Variants in CMIP observed in about 807,000 individuals in gnomAD.
The protein encoded by CMIP is c-Maf inducing protein, also known as C-Maf-inducing protein.
In CMIP, 13 loss-of-function variants were observed where a neutral mutation model predicts 97.3. That is an observed-to-expected ratio of 0.13 (90% CI 0.09 to 0.21). The LOEUF is 0.21. Among genes scored for constraint, CMIP ranks in the 10% least tolerant of loss-of-function variants. CMIP has a pLI of 1.00. For missense variants in CMIP, 847 were observed against 1,024.9 expected, an observed-to-expected ratio of 0.83 and a Z score of 2.37; for synonymous variants, 538 against 436.3, an observed-to-expected ratio of 1.23 and a Z score of -2.91.
At position 81,479,507 on chromosome 16, in the gene CMIP, C is replaced by T. The variant is rs1260326926; in HGVS notation, c.300+33966C>T. 3.3e-5 allele frequency among the ~76,000 whole-genome samples: 5 copies of T among 152,086 alleles called. No homozygotes were observed. The East Asian group carries it at 7.7e-4, about 23-fold the overall frequency. ...CCCCATTAAATGTTAACTCCTAGTC[C>T]CCCTCCCCCAGCCCCTGGCAGCCAC... On this transcript the variant is annotated intron_variant, in intron 1 of 20. Transcript: ENST00000537098.
At chr16:81,707,398 G>A (rs1440712998) in intron 20 of CMIP, among the ~76,000 whole-genome samples, 1 of 152,230 alleles carries the variant, frequency 6.6e-6, no homozygotes, top group East Asian at 1.9e-4. Flanking sequence ...CCAAGGTCCT[G>A]AGACAGAAGA....
At chr16:81,597,262 C>G (rs773445322) in intron 1 of CMIP, among the ~76,000 whole-genome samples, 2 of 152,236 alleles carry the variant, frequency 1.3e-5, no homozygotes, top group Admixed American at 6.5e-5. Context: ...TCTGTTTGCA[C>G]TGTGTCTGTG....
At chr16:81,695,036 A>T (rs1408793885) in intron 13 of CMIP, among the ~76,000 whole-genome samples, 1 of 152,186 alleles carries the variant, frequency 6.6e-6, no homozygotes, top group East Asian at 1.9e-4. Flanking sequence ...CTGGGAGAAC[A>T]AAAGTGGCAT....
intron 1 of CMIP, among the ~76,000 whole-genome samples, chr16:81,597,798 C>T (rs1303174153): frequency 6.6e-6 from 1 of 152,136 alleles, no homozygotes; most frequent in African/African-American, 2.4e-5. Flanking sequence ...AAAAGTGCCA[C>T]ACTCAAGGAC....
chr16:81,541,443 C>G (rs907727973), intron 1 of CMIP, among the ~76,000 whole-genome samples: 2 of 152,322 alleles, frequency 1.3e-5, no homozygotes, highest in Non-Finnish European at 1.5e-5. Context: ...GCCAGTCTAA[C>G]CACTCCAGCC....
At chr16:81,488,873 T>G (rs1244278902) in intron 1 of CMIP, among the ~76,000 whole-genome samples, 1 of 152,196 alleles carries the variant, frequency 6.6e-6, no homozygotes, top group Admixed American at 6.5e-5. Context: ...TGTGAGCCAC[T>G]GTCATTGATG....
chr16:81,568,505 C>T (rs766131245), intron 1 of CMIP, among the ~76,000 whole-genome samples: 1 of 152,200 alleles, frequency 6.6e-6, no homozygotes, highest in African/African-American at 2.4e-5. Context: ...CACTCTCTCT[C>T]TGTGCCAGGC....
intron 1 of CMIP, among the ~76,000 whole-genome samples, chr16:81,581,068 T>G (rs1025972411): frequency 6.6e-6 from 1 of 152,228 alleles, no homozygotes; most frequent in Admixed American, 6.5e-5. Flanking sequence ...AGCGTCATGT[T>G]GTCAGGGTTC....
intron 1 of CMIP, among the ~76,000 whole-genome samples, chr16:81,473,487 C>CTT (rs35365325): frequency 0.016 from 2,248 of 140,258 alleles, 56 homozygotes; most frequent in African/African-American, 0.054. Context: ...TAAAATAGGT[C>CTT]TTTTTTTTTT....
intron 1 of CMIP, among the ~76,000 whole-genome samples, chr16:81,559,314 T>C (rs956820608): frequency 6.6e-6 from 1 of 152,180 alleles, no homozygotes; most frequent in Non-Finnish European, 1.5e-5. Context: ...CCAGCATCAG[T>C]GGTCACTTAT....
intron 1 of CMIP, among the ~76,000 whole-genome samples, chr16:81,541,060 A>G (rs1370046862): frequency 1.3e-5 from 2 of 150,018 alleles, no homozygotes; most frequent in East Asian, 3.9e-4. Flanking sequence ...TTAAGTCTTG[A>G]TGACTAAATA....
intron 1 of CMIP, among the ~76,000 whole-genome samples, chr16:81,466,186 G>A (rs900667765): frequency 6.6e-6 from 1 of 152,066 alleles, no homozygotes; most frequent in African/African-American, 2.4e-5. Flanking sequence ...TCAGCCTCTC[G>A]AGTAGCTGGG....
intron 1 of CMIP, 105 bp downstream of exon 1, chr16:81,445,646 C>T (rs1453304587): frequency 8.6e-6 from 11 of 1,275,450 alleles, no homozygotes; most frequent in Non-Finnish European, 1.2e-5. Context: ...GCCTGGGGGG[C>T]GGTGGGGGGT....
chr16:81,465,641 G>A (rs949106874), intron 1 of CMIP, among the ~76,000 whole-genome samples: 26 of 152,250 alleles, frequency 1.7e-4, no homozygotes, highest in African/African-American at 5.3e-4. Context: ...ATTCCCCAGC[G>A]AGCTGACCTT....
chr16:81,581,083 G>A (rs948255296), intron 1 of CMIP, among the ~76,000 whole-genome samples: 4 of 152,102 alleles, frequency 2.6e-5, no homozygotes, highest in Non-Finnish European at 4.4e-5. Flanking sequence ...GGGTTCTTCC[G>A]TGTTGCAGCA....
rs573615130 is a variant in CMIP, at chr16:81,477,164, C to T, written c.300+31623C>T. Among the ~76,000 whole-genome samples, 7 of 151,194 alleles carry T rather than the reference C, an allele frequency of 4.6e-5. No individual in the cohort carries two copies. The East Asian group carries it at 1.4e-3, about 29-fold the overall frequency. On this transcript the variant is annotated intron_variant, in intron 1 of 20. Coordinates refer to ENST00000537098, the MANE Select transcript of CMIP (RefSeq NM_198390.3). ...GGCTTGGAAATGTCGGCCCTGAACTCTTTTTTTTTGAAATGGAATCTTGCT... is the reference window on the plus strand; with the variant it reads ...GGCTTGGAAATGTCGGCCCTGAACTTTTTTTTTTTGAAATGGAATCTTGCT...
At chr16:81,519,382 G>C (rs1402737039) in intron 1 of CMIP, 2 of 152,276 alleles carry the variant, frequency 1.3e-5, no homozygotes, top group African/African-American at 4.8e-5. Flanking sequence ...TTCAATTTGA[G>C]AGCAGAGCCT....
chr16:81,583,606 A>G (rs1209419001), intron 1 of CMIP, among the ~76,000 whole-genome samples: 2 of 152,178 alleles, frequency 1.3e-5, no homozygotes, highest in Non-Finnish European at 2.9e-5. Flanking sequence ...GAGAAGACCC[A>G]CTGTCTCACT....
chr16:81,670,292 C>T lies in CMIP; in HGVS notation c.929+47C>T, dbSNP rs115195559. 1,503 of 1,551,056 alleles carry T rather than the reference C, an allele frequency of 9.7e-4. 12 individuals carry two copies. In the African/African-American group the frequency reaches 0.018, roughly 18 times the overall value. ...CCTCTGTGGCCTAGGAGCCACTTTC[C>T]TCTCGGATCCTGTTTACTCAGATAT... On this transcript the variant is annotated intron_variant, in intron 8 of 20. Transcript: ENST00000537098.
Sources: gnomAD v4.1 joint callset for allele counts (sites outside exome capture counted in the v4.1 genomes callset) on GRCh38, gnomAD v4.1.1 for gene constraint, MANE v1.5 for transcripts, NCBI Gene and HGNC (gene_info 2026-07-23, HGNC 2026-07-21) for gene names.